ATP11A: variants seen among roughly 807,000 people sequenced by gnomAD.
The protein encoded by ATP11A is ATPase phospholipid transporting 11A.
Under a neutral mutation model 154.4 loss-of-function variants are expected in ATP11A, and 81 were observed. The ratio of observed to expected loss-of-function variants is 0.52; its 90% CI spans 0.44 to 0.63. The LOEUF (loss-of-function observed/expected upper bound fraction) is 0.63, where lower values mean the gene tolerates loss of function less well. Among genes scored for constraint, ATP11A ranks in the 30% least tolerant of loss-of-function variants. The pLI is 0.00. For missense variants in ATP11A, 1,316 were observed against 1,474.3 expected (o/e 0.89, Z 1.76); for synonymous variants, 623 against 585.9 (o/e 1.06, Z -0.91).
In ATP11A at chr13:112,690,509, G is replaced by A; in HGVS notation, c.39+54G>A. 2 of 1,272,800 alleles carry A rather than the reference G, an allele frequency of 1.6e-6. No individual in the cohort carries two copies. Among genetic ancestry groups the A allele is most frequent in the South Asian group, 2.8e-5 (1 of 35,478 alleles). The allele number at this position is 1,272,800 out of a possible 1,614,324, so 78.8% of individuals were successfully genotyped here. ...CCCGGGGACCAGACAGACGCGGGCCGGCCCCGCAGCCCGGACCCTGTGGCC... is the reference window on the plus strand; with the variant it reads ...CCCGGGGACCAGACAGACGCGGGCCAGCCCCGCAGCCCGGACCCTGTGGCC... On this transcript the variant is annotated intron_variant, in intron 1 of 29. Transcript: ENST00000375645. The surrounding 1 kb of genome is among the most constrained non-coding windows in gnomAD (Gnocchi z 5.6).
intron 1 of ATP11A, among the ~76,000 whole-genome samples, chr13:112,707,955 A>G (rs1005181074): frequency 3.3e-5 from 5 of 152,334 alleles, no homozygotes; most frequent in South Asian, 2.1e-4. Context: ...CAGCAAATCC[A>G]TGAGACGCTT....
chr13:112,690,203 G>A lies in ATP11A; in HGVS notation c.-214G>A, dbSNP rs534155439. On this transcript the variant is annotated 5_prime_UTR_variant, in exon 1 of 30. Coordinates refer to ENST00000375645, the MANE Select transcript of ATP11A (RefSeq NM_015205.3). The surrounding 1 kb of genome is among the most constrained non-coding windows in gnomAD (Gnocchi z 5.6). ...CCGAGCAGCAGCCTTGCCGCCAGTG[G>A]AGCAGCTGCCGACGCGCGGGGCCGC... 625 of 159,254 alleles carry A rather than the reference G, an allele frequency of 3.9e-3. 4 individuals are homozygous for A. Among genetic ancestry groups the A allele is most frequent in the Non-Finnish European group, 6.6e-3 (497 of 75,556 alleles). The allele number at this position is 159,254 out of a possible 1,614,324, so 9.9% of individuals were successfully genotyped here. A position where few individuals can be genotyped will look rare whatever the true frequency, so the allele number is the denominator to read the frequency against.
At chr13:112,762,504 C>T (rs963478513) in intron 1 of ATP11A, among the ~76,000 whole-genome samples, 13 of 151,978 alleles carry the variant, frequency 8.6e-5, no homozygotes, top group Non-Finnish European at 2.9e-5. Flanking sequence ...CAGTCCCGGC[C>T]GTGGTTCGGA....
intron 1 of ATP11A, among the ~76,000 whole-genome samples, chr13:112,768,679 A>G (rs1360307821): frequency 6.6e-6 from 1 of 152,200 alleles, no homozygotes; most frequent in African/African-American, 2.4e-5. Context: ...GAATTGGGAT[A>G]TGCTTGCTTA....
intron 6 of ATP11A, among the ~76,000 whole-genome samples, chr13:112,818,418 A>G (rs2078707527): frequency 1.3e-5 from 2 of 152,318 alleles, no homozygotes; most frequent in South Asian, 4.1e-4. Context: ...GCACTTGGTG[A>G]TGATGCAGTG....
chr13:112,721,522 G>C (rs1254704026), intron 1 of ATP11A, among the ~76,000 whole-genome samples: 2 of 152,214 alleles, frequency 1.3e-5, no homozygotes, highest in African/African-American at 4.8e-5. Flanking sequence ...TGAAGACACA[G>C]AAACAGCTTC....
At chr13:112,724,590 G>A (rs1889605892) in intron 1 of ATP11A, among the ~76,000 whole-genome samples, 1 of 151,980 alleles carries the variant, frequency 6.6e-6, no homozygotes, top group South Asian at 2.1e-4. Context: ...CACACTATTG[G>A]CCAAGAGATT....
intron 1 of ATP11A, among the ~76,000 whole-genome samples, chr13:112,726,737 G>T (rs1317340045): frequency 6.6e-6 from 1 of 152,234 alleles, no homozygotes; most frequent in African/African-American, 2.4e-5. Flanking sequence ...CAGAAAATTA[G>T]TGGTGAAGAG....
intron 1 of ATP11A, among the ~76,000 whole-genome samples, chr13:112,737,309 C>A (rs1471219936): frequency 6.6e-6 from 1 of 152,186 alleles, no homozygotes; most frequent in East Asian, 1.9e-4. Flanking sequence ...TTTCTTGGCC[C>A]TGATGACAGT....
chr13:112,725,822 C>T (rs12872813), intron 1 of ATP11A, among the ~76,000 whole-genome samples: 5,012 of 152,252 alleles, frequency 0.033, 107 homozygotes, highest in Middle Eastern at 0.078. Flanking sequence ...TGGAACAGAT[C>T]CCTGCGTGCA....
chr13:112,738,831 T>C (rs1352530804), intron 1 of ATP11A, among the ~76,000 whole-genome samples: 1 of 152,030 alleles, frequency 6.6e-6, no homozygotes, highest in East Asian at 1.9e-4. Context: ...GAGCCTCCCT[T>C]CTCGTGTCCC....
At chr13:112,881,395 C>T in intron 29 of ATP11A, 2 of 1,041,028 alleles carry the variant, frequency 1.9e-6, no homozygotes, top group Non-Finnish European at 2.3e-6. Flanking sequence ...GTGGGGCCTG[C>T]CTTCCCTGGG....
intron 1 of ATP11A, among the ~76,000 whole-genome samples, chr13:112,767,761 G>A (rs12867229): frequency 0.11 from 16,297 of 152,136 alleles, 1,101 homozygotes; most frequent in African/African-American, 0.18. Flanking sequence ...AAACTCTGAA[G>A]TCTCTCAGAG....
In ATP11A at chr13:112,885,235, TA is replaced by T. The variant is rs1566616331; in HGVS notation, c.*3370del. On this transcript the variant is annotated 3_prime_UTR_variant, in exon 30 of 30. Coordinates refer to ENST00000375645, the MANE Select transcript of ATP11A (RefSeq NM_015205.3). ...TAAGTTCCTACACACGGACGTGTGA[TA>T]CACACATGCATGTACAGGTAAGCAC... is the stretch of plus-strand genomic sequence containing the variant. 6.6e-6 allele frequency: 1 copy of T among 152,078 alleles called. No homozygotes were observed. The highest frequency in any genetic ancestry group is 1.5e-5 in the Non-Finnish European group (1 of 68,000). The allele number at this position is 152,078 out of a possible 1,614,324, so 9.4% of individuals were successfully genotyped here. A position where few individuals can be genotyped will look rare whatever the true frequency, so the allele number is the denominator to read the frequency against.
rs184699935 is a variant in ATP11A, at chr13:112,744,166, G to A, written c.40-40969G>A. On this transcript the variant is annotated intron_variant, in intron 1 of 29. Coordinates refer to ENST00000375645, the MANE Select transcript of ATP11A (RefSeq NM_015205.3). ...TAAAACAAGAAGGCAGGAGAATGTC[G>A]CTGTCCTCCCAGCACCCGGTTTGGG... 1.8e-3 allele frequency among the ~76,000 whole-genome samples: 271 copies of A among 152,320 alleles called. 1 individual carries two copies. The highest frequency in any genetic ancestry group is 2.9e-3 in the Non-Finnish European group (200 of 68,036).
At position 112,763,612 on chromosome 13, in the gene ATP11A, A is replaced by G. The variant is rs533049950; in HGVS notation, c.40-21523A>G. On this transcript the variant is annotated intron_variant, in intron 1 of 29. Transcript: ENST00000375645. ...ACCCTTTTAGGCTCTGCTAAGAGAC[A>G]CTCACCATCTCTTCTCTCTGAAGCC... 2.7e-3 allele frequency among the ~76,000 whole-genome samples: 407 copies of G among 152,174 alleles called. 1 individual carries two copies. Among genetic ancestry groups the G allele is most frequent in the Admixed American group, 4.9e-3 (75 of 15,294 alleles).
intron 2 of ATP11A, among the ~76,000 whole-genome samples, chr13:112,790,448 G>A (rs1317480091): frequency 2.0e-5 from 3 of 149,368 alleles, no homozygotes; most frequent in Admixed American, 6.6e-5. Flanking sequence ...TTCACACCGG[G>A]TATTCTGACA....
chr13:112,730,051 A>C (rs1160151329), intron 1 of ATP11A, among the ~76,000 whole-genome samples: 1 of 152,216 alleles, frequency 6.6e-6, no homozygotes, highest in Non-Finnish European at 1.5e-5. Flanking sequence ...GTCCATGCTA[A>C]GTGCAGCTTC....
intron 5 of ATP11A, among the ~76,000 whole-genome samples, chr13:112,814,506 A>AT (rs1434524841): frequency 6.6e-6 from 1 of 152,076 alleles, no homozygotes; most frequent in African/African-American, 2.4e-5. Context: ...TTCATGATCC[A>AT]TTTTGAGATG....
Sources: allele counts gnomAD v4.1 joint callset (sites outside exome capture counted in the v4.1 genomes callset), GRCh38; gene constraint gnomAD v4.1.1; non-coding constraint Gnocchi (gnomAD v3.1); transcripts MANE v1.5; gene names NCBI Gene and HGNC (gene_info 2026-07-23, HGNC 2026-07-21).